The following FOXP2 variants were observed in gnomAD, a reference collection of about 807,000 sequenced individuals.
FOXP2 encodes forkhead box P2.
In FOXP2, 12 loss-of-function variants were observed where a neutral mutation model predicts 115.8. The ratio of observed to expected loss-of-function variants is 0.10; its 90% confidence interval spans 0.07 to 0.17. The LOEUF is 0.17. Ranked by LOEUF, FOXP2 falls within the 10% of genes least tolerant of loss-of-function variation. FOXP2 has a pLI of 1.00. For synonymous variants in FOXP2, 328 were observed against 297.7 expected (o/e 1.10, Z -1.05); for missense variants, 629 against 843.5 (o/e 0.75, Z 3.15).
chr7:114,547,896 TTA>T (rs772184487), intron 3 of FOXP2, among the ~76,000 whole-genome samples: 4 of 152,230 alleles, frequency 2.6e-5, no homozygotes, highest in Non-Finnish European at 5.9e-5. Flanking sequence ...GCCACATGAA[TTA>T]TATATGTTTC....
chr7:114,393,356 G>A (rs1180867601), intron 2 of FOXP2, among the ~76,000 whole-genome samples: 3 of 151,924 alleles, frequency 2.0e-5, no homozygotes, highest in Non-Finnish European at 4.4e-5. Flanking sequence ...AAAATGGTAG[G>A]TGTCTGTTCC....
chr7:114,578,739 G>T (rs866184774), intron 3 of FOXP2, among the ~76,000 whole-genome samples: 3 of 152,172 alleles, frequency 2.0e-5, no homozygotes, highest in Middle Eastern at 3.4e-3. Flanking sequence ...CATGTGGTTT[G>T]TTTAGGACAC....
At chr7:114,533,336 G>A (rs1584861813) in intron 2 of FOXP2, among the ~76,000 whole-genome samples, 3 of 151,836 alleles carry the variant, frequency 2.0e-5, no homozygotes, top group African/African-American at 7.2e-5. Context: ...TAATTGATCA[G>A]GGGATGACTG....
chr7:114,508,047 T>C (rs750066246), intron 2 of FOXP2, among the ~76,000 whole-genome samples: 31 of 152,032 alleles, frequency 2.0e-4, no homozygotes, highest in Non-Finnish European at 3.5e-4. Flanking sequence ...AATGCAAAAA[T>C]GAATAAATAG....
intron 16 of FOXP2, among the ~76,000 whole-genome samples, chr7:114,676,500 A>T (rs1807774963): frequency 6.6e-6 from 1 of 152,204 alleles, no homozygotes; most frequent in Non-Finnish European, 1.5e-5. Flanking sequence ...AAATTGAAGC[A>T]TCAGAGTCCT....
chr7:114,480,531 GCA>G (rs1342130214), intron 2 of FOXP2, among the ~76,000 whole-genome samples: 2 of 149,056 alleles, frequency 1.3e-5, no homozygotes, highest in East Asian at 2.0e-4. Flanking sequence ...ATATATATAT[GCA>G]CACACACATA....
intron 2 of FOXP2, among the ~76,000 whole-genome samples, chr7:114,475,014 A>C (rs1796197374): frequency 6.6e-6 from 1 of 152,062 alleles, no homozygotes; most frequent in Non-Finnish European, 1.5e-5. Context: ...GCTTGGTACT[A>C]GCCCAACATA....
At chr7:114,596,633 T>A (rs1005968048) in intron 3 of FOXP2, among the ~76,000 whole-genome samples, 17 of 152,158 alleles carry the variant, frequency 1.1e-4, no homozygotes, top group African/African-American at 4.1e-4. Context: ...AAGGTGCACA[T>A]GTATTTATAA....
At chr7:114,626,372 C>T (rs1047706003) in intron 3 of FOXP2, among the ~76,000 whole-genome samples, 39 of 151,814 alleles carry the variant, frequency 2.6e-4, no homozygotes, top group Admixed American at 6.6e-5. Flanking sequence ...AGAACTTTCC[C>T]CATAAAGTTC....
intron 1 of FOXP2, among the ~76,000 whole-genome samples, chr7:114,259,689 C>A (rs943728634): frequency 6.6e-6 from 1 of 151,752 alleles, no homozygotes; most frequent in African/African-American, 2.4e-5. Context: ...TATGACATTG[C>A]GAAAAAAGAT....
chr7:114,475,200 G>A lies in FOXP2; in HGVS notation c.168+48521G>A, dbSNP rs77854983. Among the ~76,000 whole-genome samples, 1,014 of 151,944 alleles carry A rather than the reference G, an allele frequency of 6.7e-3. 11 individuals carry two copies. Among genetic ancestry groups the A allele is most frequent in the African/African-American group, 0.023 (950 of 41,472 alleles). On this transcript the variant is annotated intron_variant, in intron 2 of 16. Coordinates refer to ENST00000350908, the MANE Select transcript of FOXP2 (RefSeq NM_014491.4). ...ATATATAGTTAAAATATATTTTAAG[G>A]TGACCCCTAGTTTCACTCTCAAATT...
upstream of FOXP2, among the ~76,000 whole-genome samples, chr7:114,412,836 C>G (rs1400443856): frequency 1.3e-5 from 2 of 152,178 alleles, no homozygotes; most frequent in Admixed American, 1.3e-4. Context: ...ACAGCAAACC[C>G]AGCTTTTTGC....
intron 1 of FOXP2, among the ~76,000 whole-genome samples, chr7:114,103,596 T>C (rs1791041243): frequency 6.6e-6 from 1 of 151,974 alleles, no homozygotes; most frequent in Non-Finnish European, 1.5e-5. Flanking sequence ...TTCTTTTCCT[T>C]TATGTGTTAT....
At chr7:114,332,850 A>G (rs554273648) in intron 2 of FOXP2, among the ~76,000 whole-genome samples, 7 of 152,196 alleles carry the variant, frequency 4.6e-5, no homozygotes, top group South Asian at 2.1e-4. Flanking sequence ...AGAAATGTCA[A>G]TGATAAATCT....
intron 2 of FOXP2, among the ~76,000 whole-genome samples, chr7:114,506,002 T>A (rs555017470): frequency 6.6e-6 from 1 of 151,506 alleles, no homozygotes; most frequent in East Asian, 1.9e-4. Flanking sequence ...ATGACCAACC[T>A]TTTTATCTTT....
intron 1 of FOXP2, chr7:114,416,555 A>G (rs1793354624): frequency 6.6e-6 from 1 of 150,822 alleles, no homozygotes; most frequent in South Asian, 2.1e-4. Context: ...TGTGCTTAGA[A>G]TAGATCTTGA....
intron 3 of FOXP2, among the ~76,000 whole-genome samples, chr7:114,564,146 C>T (rs1800886481): frequency 6.6e-6 from 1 of 152,138 alleles, no homozygotes; most frequent in African/African-American, 2.4e-5. Flanking sequence ...TCTTTCTAGC[C>T]TTGTCTCTCA....
At chr7:114,270,759 T>C (rs1796014793) in intron 1 of FOXP2, among the ~76,000 whole-genome samples, 1 of 152,142 alleles carries the variant, frequency 6.6e-6, no homozygotes, top group African/African-American at 2.4e-5. Context: ...ATTCTGTGGC[T>C]TATCTTCCCA....
chr7:114,285,036 G>C (rs1027218340), intron 1 of FOXP2, among the ~76,000 whole-genome samples: 4 of 152,148 alleles, frequency 2.6e-5, no homozygotes, highest in Non-Finnish European at 4.4e-5. Flanking sequence ...AAAGGGTTGA[G>C]GGTGGGAGGA....
Sources: gnomAD v4.1 joint callset for allele counts (sites outside exome capture counted in the v4.1 genomes callset) on GRCh38, gnomAD v4.1.1 for gene constraint, MANE v1.5 for transcripts, NCBI Gene and HGNC (gene_info 2026-07-23, HGNC 2026-07-21) for gene names.